NAV1: variants seen among roughly 807,000 people sequenced by gnomAD.
NAV1 encodes the protein neuron navigator 1.
In NAV1, 18 loss-of-function variants were observed where a neutral mutation model predicts 175.2. The ratio of observed to expected loss-of-function variants is 0.10; its 90% CI spans 0.07 to 0.15. The LOEUF is 0.15. NAV1 is among the 10% of genes least tolerant of loss of function. NAV1 has a pLI of 1.00. For missense variants in NAV1, 1,731 were observed against 2,436.6 expected, an observed-to-expected ratio of 0.71 and a Z score of 6.10; for synonymous variants, 897 against 978.7, an observed-to-expected ratio of 0.92 and a Z score of 1.56.
chr1:201,652,541 C>T (rs561992257), intron 1 of NAV1, among the ~76,000 whole-genome samples: 17 of 152,294 alleles, frequency 1.1e-4, no homozygotes, highest in East Asian at 1.9e-4. Flanking sequence ...AGTTTGGCTC[C>T]GGAAGAAAGG....
chr1:201,732,251 A>G (rs1425609642), intron 3 of NAV1, among the ~76,000 whole-genome samples: 1 of 152,232 alleles, frequency 6.6e-6, no homozygotes, highest in Non-Finnish European at 1.5e-5. Context: ...CTGGGACTAC[A>G]GGCAAGTGCC....
intron 3 of NAV1, among the ~76,000 whole-genome samples, chr1:201,749,147 CAAA>C (rs1673948620): frequency 6.6e-6 from 1 of 151,472 alleles, no homozygotes; most frequent in Non-Finnish European, 1.5e-5. Context: ...GACTCCGTTT[CAAA>C]AAAAGAAAAA....
intron 15 of NAV1, among the ~76,000 whole-genome samples, chr1:201,801,474 A>G (rs940062081): frequency 6.6e-6 from 1 of 152,074 alleles, no homozygotes; most frequent in Admixed American, 6.6e-5. Flanking sequence ...TAACATAGTA[A>G]GCTCTATTTT....
intron 2 of NAV1, among the ~76,000 whole-genome samples, chr1:201,604,743 A>T (rs937728642): frequency 6.6e-6 from 1 of 151,516 alleles, no homozygotes; most frequent in Non-Finnish European, 1.5e-5. Flanking sequence ...AGAAAGAAAG[A>T]AAGAGAGAGA....
chr1:201,781,125 G>T, exon 5 of NAV1: 1 of 1,614,208 alleles, frequency 6.2e-7, no homozygotes, highest in Non-Finnish European at 8.5e-7. Context: ...GCCTGAAGAT[G>T]GAACCTGGGA....
intron 1 of NAV1, among the ~76,000 whole-genome samples, chr1:201,659,129 A>G (rs1171169554): frequency 6.6e-6 from 1 of 152,198 alleles, no homozygotes; most frequent in Non-Finnish European, 1.5e-5. Flanking sequence ...GAACCAGACT[A>G]CCTATAGCAG....
chr1:201,616,500 T>C (rs900003034), intron 2 of NAV1, among the ~76,000 whole-genome samples: 2 of 152,242 alleles, frequency 1.3e-5, no homozygotes, highest in African/African-American at 4.8e-5. Context: ...TCTTTTTTTT[T>C]TCTTGAGATG....
chr1:201,652,907 C>T (rs72739968), intron 1 of NAV1, among the ~76,000 whole-genome samples: 7,456 of 152,290 alleles, frequency 0.049, 245 homozygotes, highest in Non-Finnish European at 0.072. Flanking sequence ...CCGAACGTCA[C>T]AGCTCAGCCT....
At position 201,690,786 on chromosome 1, in the gene NAV1, C is replaced by T. The variant is rs566845309; in HGVS notation, c.758-22031C>T. 4.6e-5 allele frequency among the ~76,000 whole-genome samples: 7 copies of T among 151,588 alleles called. No homozygotes were observed. In the East Asian group the frequency reaches 5.9e-4, roughly 13 times the overall value. ...TGGCAGTGTGTGTGTCTGTTTCCTCCGTGGCCTGTCCATGGCAGAGTGCTG... is the reference window on the plus strand; with the variant it reads ...TGGCAGTGTGTGTGTCTGTTTCCTCTGTGGCCTGTCCATGGCAGAGTGCTG... On this transcript the variant is annotated intron_variant, in intron 1 of 29. Transcript: ENST00000367296.
At chr1:201,641,038 C>T (rs548169356) in intron 2 of NAV1, among the ~76,000 whole-genome samples, 7 of 152,246 alleles carry the variant, frequency 4.6e-5, no homozygotes, top group African/African-American at 1.7e-4. Context: ...CTAGAGGAGG[C>T]GGATTTGGCC....
chr1:201,785,550 G>T (rs147812613), intron 8 of NAV1, among the ~76,000 whole-genome samples, 199 bp downstream of exon 12: 163 of 152,216 alleles, frequency 1.1e-3, no homozygotes, highest in African/African-American at 3.2e-3. Flanking sequence ...TACAGCAAGT[G>T]TTCTTTTTTT....
chr1:201,632,214 CA>C (rs1558027264), intron 2 of NAV1, among the ~76,000 whole-genome samples: 4 of 152,216 alleles, frequency 2.6e-5, no homozygotes, highest in Admixed American at 2.6e-4. Context: ...AGAGTCCAAA[CA>C]AGGCTTTCTA....
intron 3 of NAV1, among the ~76,000 whole-genome samples, chr1:201,765,297 T>G (rs1675129582): frequency 6.6e-6 from 1 of 152,042 alleles, no homozygotes; most frequent in South Asian, 2.1e-4. Context: ...AAATCTATTA[T>G]TTCAGCATCG....
At chr1:201,608,273 A>C (rs79462580) in intron 2 of NAV1, among the ~76,000 whole-genome samples, 138 of 152,336 alleles carry the variant, frequency 9.1e-4, no homozygotes, top group African/African-American at 3.2e-3. Context: ...GAACTCCCCC[A>C]AAACTTATAA....
At chr1:201,805,743 TG>T (rs1380800267) in intron 17 of NAV1, among the ~76,000 whole-genome samples, 1 of 151,832 alleles carries the variant, frequency 6.6e-6, no homozygotes, top group African/African-American at 2.4e-5. Context: ...GGCAACATAG[TG>T]AAATCCTGCC....
chr1:201,580,080 G>A (rs922893899), intron 1 of NAV1, among the ~76,000 whole-genome samples: 12 of 152,234 alleles, frequency 7.9e-5, no homozygotes, highest in African/African-American at 2.9e-4. Context: ...ATGTCCAAGG[G>A]CAAGAGGAGA....
intron 3 of NAV1, among the ~76,000 whole-genome samples, chr1:201,737,883 C>T (rs917761559): frequency 2.0e-5 from 3 of 152,150 alleles, no homozygotes; most frequent in African/African-American, 7.2e-5. Flanking sequence ...AAAGAGAATC[C>T]CTTATGGCAC....
chr1:201,673,184 G>A (rs901132432), intron 1 of NAV1: 2 of 152,256 alleles, frequency 1.3e-5, no homozygotes, highest in Non-Finnish European at 2.9e-5. Flanking sequence ...AGAACACAGT[G>A]CAAATGTGTC....
At chr1:201,704,422 G>T (rs1037632765) in intron 1 of NAV1, among the ~76,000 whole-genome samples, 2 of 152,222 alleles carry the variant, frequency 1.3e-5, no homozygotes, top group African/African-American at 4.8e-5. Context: ...AGAGCCTGGC[G>T]GGGGCTGGAC....
Sources: allele counts gnomAD v4.1 joint callset (sites outside exome capture counted in the v4.1 genomes callset), GRCh38; gene constraint gnomAD v4.1.1; transcripts MANE v1.5; gene names NCBI Gene and HGNC (gene_info 2026-07-23, HGNC 2026-07-21).